Variants in ATP1A3 observed in about 807,000 individuals in gnomAD.
ATP1A3 encodes the protein sodium/potassium-transporting ATPase subunit alpha-3.
A neutral mutation model predicts 108.8 loss-of-function variants in ATP1A3; 12 were observed. That is an observed-to-expected ratio of 0.11 (90% CI 0.07 to 0.18). The LOEUF is 0.18. Among genes scored for constraint, ATP1A3 ranks in the 10% least tolerant of loss-of-function variants. The pLI is 1.00. For missense variants in ATP1A3, 498 were observed against 1,387.7 expected, an observed-to-expected ratio of 0.36 and a Z score of 10.19; for synonymous variants, 539 against 564.5, an observed-to-expected ratio of 0.95 and a Z score of 0.64.
chr19:41,994,189 C>CGCGTCCGTCCGT lies in ATP1A3; in HGVS notation c.-125_-114dup. On this transcript the variant is annotated 5_prime_UTR_variant, in exon 1 of 23. Transcript: ENST00000648268. ...CAGCGCCCGCGCCTCGGTAGGTGCGCGCGTCCGTCCGTCCGTCCGTTGGTC... is the reference window on the plus strand; with the variant it reads ...CAGCGCCCGCGCCTCGGTAGGTGCGCGCGTCCGTCCGTGCGTCCGTCCGTCCGTCCGTTGGTC... 1.9e-6 allele frequency: 2 copies of CGCGTCCGTCCGT among 1,034,506 alleles called. No homozygotes were observed. Among genetic ancestry groups the CGCGTCCGTCCGT allele is most frequent in the South Asian group, 1.9e-5 (1 of 52,494 alleles). 64.1% of individuals were successfully genotyped at this position (1,034,506 alleles called of 1,614,324 possible). A position where few individuals can be genotyped will look rare whatever the true frequency, so the allele number is the denominator to read the frequency against.
At chr19:41,983,572 A>AAAT (rs1196141892) in intron 8 of ATP1A3, among the ~76,000 whole-genome samples, 2 of 146,418 alleles carry the variant, frequency 1.4e-5, no homozygotes, top group East Asian at 2.0e-4. Context: ...AAATTTTTAA[A>AAAT]AATAATAATA....
In ATP1A3 at chr19:41,988,778, C is replaced by T. The variant is rs1449165711; in HGVS notation, c.7-216G>A. ...CTTCTGCCTCTGGTGACTCTCAGGCCTCGTGAGTCTCATCTGCTGCAATCA... is the reference window on the plus strand; with the variant it reads ...CTTCTGCCTCTGGTGACTCTCAGGCTTCGTGAGTCTCATCTGCTGCAATCA... On this transcript the variant is annotated intron_variant, in intron 1 of 22. Transcript: ENST00000648268. The surrounding 1 kb of genome is among the most constrained non-coding windows in gnomAD (Gnocchi z 5.3). Among the ~76,000 whole-genome samples the T allele has an allele frequency of 1.3e-5, 2 of 152,060 alleles. 1 individual carries two copies. The highest frequency in any genetic ancestry group is 2.9e-5 in the Non-Finnish European group (2 of 68,012).
chr19:41,982,189 G>C, intron 8 of ATP1A3, 83 bp from the exon 9 acceptor site: 1 of 1,609,046 alleles, frequency 6.2e-7, no homozygotes, highest in Middle Eastern at 2.2e-4. Context: ...CCACAGCCCA[G>C]CTGCCCAGCC....
intron 14 of ATP1A3, among the ~76,000 whole-genome samples, chr19:41,977,380 G>A (rs1308648814): frequency 1.3e-5 from 2 of 152,042 alleles, no homozygotes; most frequent in African/African-American, 4.8e-5. Flanking sequence ...CACACAGCTT[G>A]TGAGCGGTAT....
intron 1 of ATP1A3, among the ~76,000 whole-genome samples, chr19:41,991,804 G>A (rs1568869102): frequency 6.6e-6 from 1 of 150,854 alleles, no homozygotes; most frequent in African/African-American, 2.4e-5. Flanking sequence ...GAAGGACTGG[G>A]AGCCTGGAAT....
At chr19:41,992,324 G>A (rs2075348163) in intron 1 of ATP1A3, among the ~76,000 whole-genome samples, 1 of 152,166 alleles carries the variant, frequency 6.6e-6, no homozygotes, top group African/African-American at 2.4e-5. Context: ...AGTCAAGGCA[G>A]GAGGCCCAGA....
chr19:41,993,736 C>T, intron 1 of ATP1A3: 1 of 602,690 alleles, frequency 1.7e-6, no homozygotes, highest in South Asian at 2.0e-5. Flanking sequence ...ACGGGGCCCA[C>T]ACACTCGCTG....
At chr19:41,976,632 A>G (rs1038889396) in intron 14 of ATP1A3, 66 bp from the exon 15 acceptor site, 81 of 1,603,986 alleles carry the variant, frequency 5.0e-5, no homozygotes, top group Non-Finnish European at 6.6e-5. Context: ...GTGATCCCTG[A>G]AAGACAGAGA....
intron 8 of ATP1A3, among the ~76,000 whole-genome samples, chr19:41,982,397 AG>A (rs1160122017): frequency 6.6e-6 from 1 of 152,104 alleles, no homozygotes; most frequent in Admixed American, 6.6e-5. Context: ...AGGCCGAGGT[AG>A]GCGCATCACT....
Position 41,981,699 on chromosome 19 carries a change from G to T in ATP1A3, c.1302+23C>A. ...AGGGGAGGACACAGGCAGGGCCGAG[G>T]TGAGGCCAGTAGCTGAACCCACCTT... is the stretch of plus-strand genomic sequence containing the variant. On this transcript the variant is annotated intron_variant, in intron 10 of 22. Transcript: ENST00000648268. This position sits in a 1 kb window ranked among gnomAD's most constrained non-coding sequence, Gnocchi z 5.0. 1 of 1,614,232 alleles carries T rather than the reference G, an allele frequency of 6.2e-7. No individual in the cohort carries two copies. Among genetic ancestry groups the T allele is most frequent in the Non-Finnish European group, 8.5e-7 (1 of 1,180,028 alleles).
At position 41,993,888 on chromosome 19, in the gene ATP1A3, G is replaced by A. The variant is rs114694347; in HGVS notation, c.6+183C>T. On this transcript the variant is annotated intron_variant, in intron 1 of 22. Transcript: ENST00000648268. ...CAAAGCCATGCCAACGTGCGCCACA[G>A]ACCCCCCGCCGCCCCCTGCGGCCCC... 5,210 of 1,145,950 alleles carry A rather than the reference G, an allele frequency of 4.5e-3. 159 individuals are homozygous for A. The African/African-American group carries it at 0.071, about 16-fold the overall frequency. 71.0% of individuals were successfully genotyped at this position (1,145,950 alleles called of 1,614,324 possible). A position where few individuals can be genotyped will look rare whatever the true frequency, so the allele number is the denominator to read the frequency against.
Position 41,967,710 on chromosome 19 carries a change from A to G in ATP1A3, c.2873T>C (p.Leu958Pro). 1 of 1,614,082 alleles carries G rather than the reference A, an allele frequency of 6.2e-7. No homozygotes were observed. The highest frequency in any genetic ancestry group is 8.5e-7 in the Non-Finnish European group (1 of 1,179,996). The change falls in exon 21 of 23, where the codon CTG (leucine) becomes CCG (proline). Residue 958 changes from leucine (L) to proline (P), a missense_variant. By Grantham distance (98) the Leu-to-Pro change is moderately conservative. This residue lies in a region of ATP1A3 where 121 missense variants were observed against 425.1 expected (regional missense o/e 0.28). Coordinates refer to ENST00000648268, the MANE Select transcript of ATP1A3 (RefSeq NM_152296.5). The surrounding 1 kb of genome is among the most constrained non-coding windows in gnomAD (Gnocchi z 4.2). ...CACGTCCATGCCGGGGCAGTAGGAC[A>G]GGAAGGCAGCCAGGGCCGTCTCCTC... ...LFEETALAAF[L>P]SYCPGMDVAL...
rs782546352 is a variant in ATP1A3 at position 41,993,997 on chromosome 19, C to A, written c.6+74G>T. On this transcript the variant is annotated intron_variant, in intron 1 of 22. Coordinates refer to ENST00000648268, the MANE Select transcript of ATP1A3 (RefSeq NM_152296.5). ...GAGCGCAGGGGTCCCGGTGCCCCCG[C>A]CCCCCGCGCACACCCAATGTCACCG... The A allele has an allele frequency of 8.2e-6, 13 of 1,593,270 alleles. No homozygotes were observed. The East Asian group carries it at 3.0e-4, about 37-fold the overall frequency.
Position 41,976,524 on chromosome 19 carries a change from G to T in ATP1A3, c.1986C>A (p.Asp662Glu). Residue 662 changes from aspartate to glutamate, a missense_variant, in exon 15 of 23, where the codon GAC (aspartate) becomes GAA (glutamate). By Grantham distance (45) the Asp-to-Glu change is conservative. Around this residue, in one of 9 missense-constraint regions of ATP1A3, gnomAD observed 20 missense variants for 17.8 expected, o/e 1.12. Coordinates refer to ENST00000648268, the MANE Select transcript of ATP1A3 (RefSeq NM_152296.5). ...ACVIHGTDLKDFTSEQIDEIL... is the reference protein window; with the variant it reads ...ACVIHGTDLKEFTSEQIDEIL... ...TCTCGTCGATTTGCTCGGAGGTGAA[G>T]TCCTTGAGGTCGGTGCCGTGGATCA... 1 of 1,614,218 alleles carries T rather than the reference G, an allele frequency of 6.2e-7. No homozygotes were observed. Among genetic ancestry groups the T allele is most frequent in the Non-Finnish European group, 8.5e-7 (1 of 1,180,048 alleles).
At chr19:41,970,039 ACC>A in intron 18 of ATP1A3, 144 bp downstream of exon 18, 1 of 1,315,568 alleles carries the variant, frequency 7.6e-7, no homozygotes, top group Non-Finnish European at 1.1e-6. Context: ...TGGGGTGCAG[ACC>A]CCCCCCACAG....
At chr19:41,982,764 T>C (rs1299586828) in intron 8 of ATP1A3, among the ~76,000 whole-genome samples, 1 of 152,180 alleles carries the variant, frequency 6.6e-6, no homozygotes, top group African/African-American at 2.4e-5. Flanking sequence ...TGGGTGAACG[T>C]CAAAAACATG....
intron 1 of ATP1A3, chr19:41,993,745 T>G: frequency 3.3e-6 from 2 of 602,466 alleles, no homozygotes. Flanking sequence ...ACACACTCGC[T>G]GCCAGGGCCT....
rs1467066441 is a variant in ATP1A3, at chr19:41,968,625, A to G, written c.2819+160T>C. On this transcript the variant is annotated intron_variant, in intron 20 of 22. Transcript: ENST00000648268. This position sits in a 1 kb window ranked among gnomAD's most constrained non-coding sequence, Gnocchi z 5.0. ...CAGGAGGTCGAGGCTGCAGTGAGCT[A>G]TGATTACACCACTGAACTCCAGTCT... Among the ~76,000 whole-genome samples, 1 of 152,126 alleles carries G rather than the reference A, an allele frequency of 6.6e-6. No homozygotes were observed. Among genetic ancestry groups the G allele is most frequent in the Non-Finnish European group, 1.5e-5 (1 of 68,016 alleles).
rs2075108499 is a variant in ATP1A3, at chr19:41,971,413, AGAG to A, written c.2264-874_2264-872del. ...GACTCCTAGGTTTTATACCCAAAAG[AGAG>A]GAGGACTGTTTATGCCCAGCGAAAA... On this transcript the variant is annotated intron_variant, in intron 16 of 22. Transcript: ENST00000648268. Among the ~76,000 whole-genome samples the A allele has an allele frequency of 2.6e-5, 4 of 152,104 alleles. No homozygotes were observed. In the South Asian group the frequency reaches 8.3e-4, roughly 32 times the overall value.
Sources: gnomAD v4.1 joint callset for allele counts (sites outside exome capture counted in the v4.1 genomes callset) on GRCh38, gnomAD v4.1.1 for gene constraint, gnomAD v4.1.1 regional missense constraint, Gnocchi (gnomAD v3.1) non-coding constraint, MANE v1.5 for transcripts, NCBI Gene and HGNC (gene_info 2026-07-23, HGNC 2026-07-21) for gene names.